HIBADH: variants seen among roughly 807,000 people sequenced by gnomAD.
HIBADH encodes 3-hydroxyisobutyrate dehydrogenase.
Under a neutral mutation model 36.1 loss-of-function variants are expected in HIBADH, and 25 were observed. The observed-to-expected ratio is 0.69, with a 90% CI of 0.50 to 0.97. The LOEUF is 0.97. HIBADH is among the 50% of genes least tolerant of loss of function. The probability of loss-of-function intolerance (pLI) is 0.00; values close to 1 mark genes in which losing one functional copy is unlikely to be tolerated. For synonymous variants in HIBADH, 160 were observed against 149.5 expected (o/e 1.07, Z -0.51); for missense variants, 421 against 418.0 (o/e 1.01, Z -0.06).
intron 2 of HIBADH, among the ~76,000 whole-genome samples, chr7:27,633,185 G>A (rs919729611): frequency 6.6e-6 from 1 of 152,034 alleles, no homozygotes; most frequent in African/African-American, 2.4e-5. Context: ...GGAAAATTGC[G>A]CTGTCTATCC....
At chr7:27,647,256 T>C (rs2128296738) in intron 2 of HIBADH, among the ~76,000 whole-genome samples, 1 of 152,298 alleles carries the variant, frequency 6.6e-6, no homozygotes, top group South Asian at 2.1e-4. Context: ...GACAAAGGGA[T>C]GATTCACATC....
intron 2 of HIBADH, among the ~76,000 whole-genome samples, chr7:27,647,275 G>C (rs1470045549): frequency 6.6e-6 from 1 of 152,146 alleles, no homozygotes; most frequent in Non-Finnish European, 1.5e-5. Context: ...TCCAGGTTGG[G>C]ACAGAGCTGG....
At chr7:27,627,555 A>G (rs1458787582) in intron 4 of HIBADH, among the ~76,000 whole-genome samples, 2 of 152,242 alleles carry the variant, frequency 1.3e-5, no homozygotes, top group East Asian at 1.9e-4. Flanking sequence ...TAGTGGTCCT[A>G]TAACACTTTG....
chr7:27,631,902 A>G (rs1050862919), intron 3 of HIBADH, among the ~76,000 whole-genome samples: 1 of 152,190 alleles, frequency 6.6e-6, no homozygotes. Flanking sequence ...AAACGTACTA[A>G]CCCACAGGAC....
intron 6 of HIBADH, among the ~76,000 whole-genome samples, chr7:27,537,179 A>G (rs920643869): frequency 1.3e-5 from 2 of 152,188 alleles, no homozygotes; most frequent in African/African-American, 4.8e-5. Flanking sequence ...CTCTGTACAG[A>G]CATGCTTTAC....
At chr7:27,656,965 G>A (rs1288632720) in intron 1 of HIBADH, among the ~76,000 whole-genome samples, 4 of 152,142 alleles carry the variant, frequency 2.6e-5, no homozygotes, top group Non-Finnish European at 4.4e-5. Flanking sequence ...ATTCTTTCCC[G>A]TAGATCCGAG....
intron 2 of HIBADH, among the ~76,000 whole-genome samples, chr7:27,632,954 A>ATCTGTTTCAGAAAAGAAAAG (rs1230295240): frequency 6.6e-6 from 1 of 152,164 alleles, no homozygotes; most frequent in Non-Finnish European, 1.5e-5. Flanking sequence ...AGAAGAAAGT[A>ATCTGTTTCAGAAAAGAAAAG]TCTGTTTCAG....
intron 4 of HIBADH, among the ~76,000 whole-genome samples, chr7:27,602,748 T>C (rs1243392383): frequency 2.6e-5 from 4 of 152,172 alleles, no homozygotes; most frequent in Admixed American, 1.3e-4. Flanking sequence ...CTAACAATTA[T>C]GAATTATTTC....
At chr7:27,580,653 A>G (rs1784774433) in intron 4 of HIBADH, among the ~76,000 whole-genome samples, 1 of 152,164 alleles carries the variant, frequency 6.6e-6, no homozygotes, top group African/African-American at 2.4e-5. Flanking sequence ...CCATTCACTC[A>G]TCTATCCATT....
chr7:27,560,752 C>T (rs879726364), intron 4 of HIBADH, among the ~76,000 whole-genome samples: 1 of 151,898 alleles, frequency 6.6e-6, no homozygotes, highest in Non-Finnish European at 1.5e-5. Context: ...GGGTTGTTTC[C>T]ACCTTTTGGT....
At chr7:27,591,293 T>C (rs1023722628) in intron 4 of HIBADH, among the ~76,000 whole-genome samples, 1 of 152,214 alleles carries the variant, frequency 6.6e-6, no homozygotes, top group Non-Finnish European at 1.5e-5. Flanking sequence ...GGCTCACGCC[T>C]GTAATCCCAG....
intron 7 of HIBADH, among the ~76,000 whole-genome samples, chr7:27,526,587 G>A (rs569756623): frequency 6.6e-6 from 1 of 152,092 alleles, no homozygotes; most frequent in East Asian, 1.9e-4. Context: ...GTGTCTCTTC[G>A]ATTTTTCCAC....
chr7:27,583,979 T>TA (rs1784825890), intron 4 of HIBADH, among the ~76,000 whole-genome samples: 1 of 152,070 alleles, frequency 6.6e-6, no homozygotes, highest in Non-Finnish European at 1.5e-5. Flanking sequence ...AGTTCTGGCT[T>TA]AATAGAAGAC....
chr7:27,542,792 T>G (rs934505195), intron 5 of HIBADH, among the ~76,000 whole-genome samples, 175 bp downstream of exon 5: 1 of 152,140 alleles, frequency 6.6e-6, no homozygotes, highest in Non-Finnish European at 1.5e-5. Flanking sequence ...GGCTGATGTC[T>G]GCTTAAGCCC....
chr7:27,531,869 G>C (rs1784008123), intron 6 of HIBADH, among the ~76,000 whole-genome samples: 1 of 151,708 alleles, frequency 6.6e-6, no homozygotes, highest in Admixed American at 6.6e-5. Flanking sequence ...AGATGAGCCA[G>C]GAGCTGTAAA....
chr7:27,614,757 T>C (rs1045683523), intron 4 of HIBADH, among the ~76,000 whole-genome samples: 1 of 152,224 alleles, frequency 6.6e-6, no homozygotes, highest in South Asian at 2.1e-4. Flanking sequence ...TAAAGATATG[T>C]CAAGGTATCA....
intron 4 of HIBADH, among the ~76,000 whole-genome samples, chr7:27,566,476 G>C (rs1784550690): frequency 6.6e-6 from 1 of 151,838 alleles, no homozygotes; most frequent in African/African-American, 2.4e-5. Context: ...CTTATTTTTT[G>C]GTTAGGCTGG....
Position 27,629,467 on chromosome 7 carries a change from TTAA to T in HIBADH, c.385_387del (p.Leu129del). The stretch of plus-strand genomic sequence containing the variant: ...GCAGGATCAATAGTGCTGGAATCTA[TTAA>T]TAATGAGCCCTTCTTCACTTTTCTA... On this transcript the variant is annotated inframe_deletion, in exon 4 of 8. Coordinates refer to ENST00000265395, the MANE Select transcript of HIBADH (RefSeq NM_152740.4). 1 of 1,599,466 alleles carries T rather than the reference TTAA, an allele frequency of 6.3e-7. No homozygotes were observed. The highest frequency in any genetic ancestry group is 8.5e-7 in the Non-Finnish European group (1 of 1,171,042).
intron 1 of HIBADH, 75 bp from the exon 2 acceptor site, chr7:27,649,708 T>A: frequency 7.4e-7 from 1 of 1,348,494 alleles, no homozygotes; most frequent in Non-Finnish European, 1.0e-6. Context: ...TATTAGCAAG[T>A]CAATTGTTAG....
Sources: gnomAD v4.1 joint callset for allele counts (sites outside exome capture counted in the v4.1 genomes callset) on GRCh38, gnomAD v4.1.1 for gene constraint, MANE v1.5 for transcripts, NCBI Gene and HGNC (gene_info 2026-07-23, HGNC 2026-07-21) for gene names.